SSX2IP: variants seen among roughly 807,000 people sequenced by gnomAD.
SSX2IP encodes the protein afadin- and alpha-actinin-binding protein.
A neutral mutation model predicts 84.9 loss-of-function variants in SSX2IP; 55 were observed. The observed-to-expected ratio is 0.65, with a 90% CI of 0.52 to 0.81. The LOEUF (loss-of-function observed/expected upper bound fraction) is 0.81, where lower values mean the gene tolerates loss of function less well. SSX2IP is among the 30% of genes least tolerant of loss of function. The pLI is 0.00. For missense variants in SSX2IP, 664 were observed against 705.2 expected, an observed-to-expected ratio of 0.94 and a Z score of 0.66; for synonymous variants, 239 against 234.7, an observed-to-expected ratio of 1.02 and a Z score of -0.17.
At position 84,665,446 on chromosome 1, in the gene SSX2IP, A is replaced by G. The variant is rs530548295; in HGVS notation, c.537+676T>C. 3.3e-5 allele frequency among the ~76,000 whole-genome samples: 5 copies of G among 152,268 alleles called. No homozygotes were observed. The South Asian group carries it at 1.0e-3, about 32-fold the overall frequency. On this transcript the variant is annotated intron_variant, in intron 5 of 13. Transcript: ENST00000342203. ...AATTGTAGTTAAAACAACATATAAA[A>G]CACTGAAACTAAGTATTATATTTTT...
chr1:84,651,522 G>A (rs1313431254), intron 12 of SSX2IP, among the ~76,000 whole-genome samples: 3 of 152,074 alleles, frequency 2.0e-5, no homozygotes, highest in Admixed American at 6.5e-5. Flanking sequence ...GAGGTCAGGA[G>A]TTCAAGAACA....
chr1:84,659,886 TTC>T (rs1052367021), intron 8 of SSX2IP, among the ~76,000 whole-genome samples: 4 of 151,764 alleles, frequency 2.6e-5, no homozygotes, highest in Non-Finnish European at 5.9e-5. Context: ...AAATAAAAAA[TTC>T]GGCTGGGCAC....
At chr1:84,664,257 G>C (rs1652454812) in intron 6 of SSX2IP, among the ~76,000 whole-genome samples, 160 bp downstream of exon 6, 1 of 152,074 alleles carries the variant, frequency 6.6e-6, no homozygotes, top group Non-Finnish European at 1.5e-5. Flanking sequence ...CCACTAACCA[G>C]TTGTCTACAT....
intron 5 of SSX2IP, among the ~76,000 whole-genome samples, chr1:84,665,600 A>T (rs1652667344): frequency 6.6e-6 from 1 of 151,784 alleles, no homozygotes; most frequent in African/African-American, 2.4e-5. Flanking sequence ...TAAAGTAGAA[A>T]TTAGAATTCT....
rs1653875732 is a variant in SSX2IP, at chr1:84,673,493, T to A, written c.-89-2185A>T. ...TTTCCTCTAAACTGCAATGAAAATC[T>A]ATTGATGTGTTTCTTGTAGGTAGGA... On this transcript the variant is annotated intron_variant, in intron 1 of 13. Transcript: ENST00000342203. Among the ~76,000 whole-genome samples the A allele has an allele frequency of 2.0e-5, 3 of 152,354 alleles. No homozygotes were observed. In the South Asian group the frequency reaches 6.2e-4, roughly 32 times the overall value.
chr1:84,687,687 C>T (rs1313771229), intron 1 of SSX2IP, among the ~76,000 whole-genome samples: 1 of 152,150 alleles, frequency 6.6e-6, no homozygotes, highest in Admixed American at 6.5e-5. Flanking sequence ...TTTTGGATCA[C>T]TCAAATTACT....
rs1419801377 is a variant in SSX2IP, at chr1:84,644,902, A to T, written c.*2531T>A. 2 of 152,262 alleles carry T rather than the reference A, an allele frequency of 1.3e-5. No homozygotes were observed. Among genetic ancestry groups the T allele is most frequent in the African/African-American group, 4.8e-5 (2 of 41,474 alleles). 9.4% of individuals were successfully genotyped at this position (152,262 alleles called of 1,614,324 possible). On this transcript the variant is annotated 3_prime_UTR_variant, in exon 14 of 14. Transcript: ENST00000342203. ...AATCATTTAATACATTGCTTCTATA[A>T]GAAAATACTATTTGTTAAATTTTAG...
chr1:84,678,159 A>G (rs1345111006), intron 1 of SSX2IP, among the ~76,000 whole-genome samples: 1 of 152,224 alleles, frequency 6.6e-6, no homozygotes, highest in Non-Finnish European at 1.5e-5. Context: ...GATATCATCC[A>G]GTATTACAAT....
intron 11 of SSX2IP, among the ~76,000 whole-genome samples, chr1:84,653,427 T>A (rs996665330): frequency 6.6e-6 from 1 of 152,122 alleles, no homozygotes; most frequent in East Asian, 1.9e-4. Flanking sequence ...AAATTCTCCA[T>A]CAGCCCTCAG....
At chr1:84,671,374 G>A (rs1435438775) in intron 1 of SSX2IP, 66 bp from the exon 2 acceptor site, 6 of 1,327,148 alleles carry the variant, frequency 4.5e-6, no homozygotes, top group African/African-American at 1.5e-5. Context: ...TAAACCCAAT[G>A]CTTAAGAATT....
At chr1:84,674,911 G>C (rs1368841250) in intron 1 of SSX2IP, among the ~76,000 whole-genome samples, 1 of 152,102 alleles carries the variant, frequency 6.6e-6, no homozygotes, top group Non-Finnish European at 1.5e-5. Context: ...TCCAAGAAAG[G>C]GGACTTACGA....
chr1:84,656,847 G>A (rs1237061929), intron 9 of SSX2IP, among the ~76,000 whole-genome samples: 2 of 152,008 alleles, frequency 1.3e-5, no homozygotes, highest in African/African-American at 4.8e-5. Context: ...CAGACAAAAT[G>A]GCCATATTCA....
intron 1 of SSX2IP, among the ~76,000 whole-genome samples, chr1:84,684,898 A>G (rs1655576188): frequency 1.3e-5 from 2 of 152,170 alleles, no homozygotes; most frequent in Admixed American, 1.3e-4. Context: ...CAATAAAACT[A>G]TAAAAGACAC....
At chr1:84,657,905 A>C (rs1041768316) in intron 9 of SSX2IP, among the ~76,000 whole-genome samples, 1 of 152,146 alleles carries the variant, frequency 6.6e-6, no homozygotes, top group Non-Finnish European at 1.5e-5. Flanking sequence ...AGGCCAAGGC[A>C]GGTGAATCAC....
chr1:84,652,751 C>A (rs1173576339), intron 11 of SSX2IP, among the ~76,000 whole-genome samples: 2 of 150,800 alleles, frequency 1.3e-5, no homozygotes, highest in African/African-American at 4.9e-5. Context: ...CACGGCCGGG[C>A]ACGGTGGCTC....
chr1:84,684,014 A>G (rs897649602), intron 1 of SSX2IP, among the ~76,000 whole-genome samples: 2 of 152,252 alleles, frequency 1.3e-5, no homozygotes, highest in African/African-American at 4.8e-5. Context: ...TTTTAAAATT[A>G]CTATTTATTG....
chr1:84,676,759 G>A (rs1286796758), intron 1 of SSX2IP, among the ~76,000 whole-genome samples: 1 of 113,732 alleles, frequency 8.8e-6, no homozygotes, highest in Non-Finnish European at 1.6e-5. Flanking sequence ...GTCTCGCTCT[G>A]TCACCCAGGC....
intron 8 of SSX2IP, among the ~76,000 whole-genome samples, chr1:84,661,529 C>G (rs1651980965): frequency 6.6e-6 from 1 of 152,150 alleles, no homozygotes; most frequent in Admixed American, 6.5e-5. Context: ...CACCTTATTA[C>G]AGCACCTAAC....
chr1:84,650,216 A>G (rs1179650211), intron 13 of SSX2IP, 146 bp downstream of exon 13: 11 of 767,514 alleles, frequency 1.4e-5, no homozygotes, highest in Admixed American at 4.3e-5. Flanking sequence ...TGGACACTCA[A>G]TATTTGTAGA....
Sources: gnomAD v4.1 joint callset for allele counts (sites outside exome capture counted in the v4.1 genomes callset) on GRCh38, gnomAD v4.1.1 for gene constraint, MANE v1.5 for transcripts, NCBI Gene and HGNC (gene_info 2026-07-23, HGNC 2026-07-21) for gene names.